AIM2: variants seen among roughly 807,000 people sequenced by gnomAD.
The protein encoded by AIM2 is absent in melanoma 2.
A neutral mutation model predicts 27.7 loss-of-function variants in AIM2; 30 were observed. That is an observed-to-expected ratio of 1.08 (90% CI 0.81 to 1.47). The LOEUF (loss-of-function observed/expected upper bound fraction) is 1.47. Among genes scored for constraint, AIM2 ranks in the 40% most tolerant of loss-of-function variants. AIM2 has a pLI of 0.00. For synonymous variants in AIM2, 141 were observed against 145.3 expected (o/e 0.97, Z 0.21); for missense variants, 358 against 411.3 (o/e 0.87, Z 1.12).
chr1:159,123,474 A>G (rs1440994030), intron 1 of AIM2: 5 of 152,232 alleles, frequency 3.3e-5, no homozygotes, highest in Middle Eastern at 6.8e-3. Context: ...TCTGTTTTCC[A>G]ACTTCGTCGT....
intron 2 of AIM2, among the ~76,000 whole-genome samples, chr1:159,070,482 T>C (rs998755818): frequency 6.6e-6 from 1 of 152,180 alleles, no homozygotes; most frequent in Non-Finnish European, 1.5e-5. Flanking sequence ...TCCTGATTTT[T>C]AAAAAGACCA....
intron 1 of AIM2, among the ~76,000 whole-genome samples, chr1:159,127,212 T>G (rs180787394): frequency 3.9e-5 from 6 of 152,368 alleles, no homozygotes; most frequent in African/African-American, 1.2e-4. Context: ...TCCTGAGTGT[T>G]TATTTTATTA....
intron 1 of AIM2, among the ~76,000 whole-genome samples, chr1:159,107,304 G>GTA (rs916044460): frequency 6.6e-6 from 1 of 150,674 alleles, no homozygotes; most frequent in Non-Finnish European, 1.5e-5. Flanking sequence ...GTACATGTGT[G>GTA]TATGTGTGTG....
downstream of AIM2, among the ~76,000 whole-genome samples, chr1:159,060,014 C>A (rs1289546699): frequency 6.6e-6 from 1 of 152,110 alleles, no homozygotes; most frequent in Non-Finnish European, 1.5e-5. Context: ...CTAATCTGTC[C>A]TCATAAACAT....
chr1:159,064,242 A>C (rs912195684), intron 4 of AIM2, among the ~76,000 whole-genome samples: 3 of 152,126 alleles, frequency 2.0e-5, no homozygotes, highest in African/African-American at 4.8e-5. Context: ...TATATCTAAT[A>C]GATGTTAGCA....
chr1:159,142,579 T>C (rs1453526072), upstream of AIM2, among the ~76,000 whole-genome samples: 1 of 152,164 alleles, frequency 6.6e-6, no homozygotes, highest in Admixed American at 6.5e-5. Flanking sequence ...CAGGGCTACC[T>C]ACTTTGAAGA....
chr1:159,126,355 T>C (rs931797520), intron 1 of AIM2, among the ~76,000 whole-genome samples: 4 of 152,052 alleles, frequency 2.6e-5, no homozygotes, highest in African/African-American at 7.2e-5. Flanking sequence ...TAATCTAAAA[T>C]TGATAGAATA....
chr1:159,121,941 A>C (rs570093983), intron 1 of AIM2, among the ~76,000 whole-genome samples: 7 of 152,296 alleles, frequency 4.6e-5, no homozygotes, highest in Non-Finnish European at 8.8e-5. Context: ...TCAAACAGAA[A>C]AATAAAATAA....
intron 1 of AIM2, among the ~76,000 whole-genome samples, chr1:159,136,534 A>G (rs942106848): frequency 6.6e-6 from 1 of 152,200 alleles, no homozygotes; most frequent in Admixed American, 6.5e-5. Flanking sequence ...GCTCATGGTT[A>G]TCAACTTCCC....
chr1:159,120,458 T>C (rs1647507056), intron 1 of AIM2, among the ~76,000 whole-genome samples: 1 of 152,228 alleles, frequency 6.6e-6, no homozygotes, highest in African/African-American at 2.4e-5. Flanking sequence ...TGACTGCCTG[T>C]GTCATTATCA....
chr1:159,127,093 G>C (rs60265878), intron 1 of AIM2, among the ~76,000 whole-genome samples: 12,877 of 152,182 alleles, frequency 0.085, 947 homozygotes, highest in African/African-American at 0.2. Flanking sequence ...CAAGCCAGGG[G>C]ATGATTGGTT....
intron 1 of AIM2, among the ~76,000 whole-genome samples, chr1:159,097,989 C>G (rs990814893): frequency 6.6e-6 from 1 of 152,126 alleles, no homozygotes; most frequent in East Asian, 1.9e-4. Flanking sequence ...TTTTAAAAAT[C>G]TCTATGGTAT....
intron 1 of AIM2, among the ~76,000 whole-genome samples, chr1:159,091,658 G>T (rs1657046300): frequency 6.6e-6 from 1 of 152,236 alleles, no homozygotes; most frequent in African/African-American, 2.4e-5. Flanking sequence ...CTGAAGTCCT[G>T]CCCTCTGGAT....
intron 1 of AIM2, among the ~76,000 whole-genome samples, chr1:159,115,509 C>G (rs932584811): frequency 9.9e-5 from 15 of 152,188 alleles, no homozygotes; most frequent in African/African-American, 2.6e-4. Flanking sequence ...GAACAGAACA[C>G]AGCCCTCAGG....
chr1:159,129,430 A>C (rs1013667664), intron 1 of AIM2, among the ~76,000 whole-genome samples: 16 of 152,188 alleles, frequency 1.1e-4, no homozygotes, highest in African/African-American at 3.6e-4. Flanking sequence ...CTTCAGTTAC[A>C]GTACTAAGGG....
upstream of AIM2, chr1:159,081,048 A>T (rs1201714562): frequency 1.2e-5 from 2 of 172,256 alleles, no homozygotes; most frequent in Admixed American, 1.2e-4. Context: ...AAATTCAATA[A>T]GAAATTATGA....
intron 1 of AIM2, among the ~76,000 whole-genome samples, chr1:159,102,118 G>C (rs59635124): frequency 6.6e-6 from 1 of 152,126 alleles, no homozygotes; most frequent in African/African-American, 2.4e-5. Flanking sequence ...TGCAGCCTTC[G>C]GAAATGGTGC....
chr1:159,062,823 T>C (rs1270871583), intron 5 of AIM2, 105 bp from the exon 6 acceptor site: 63 of 1,097,654 alleles, frequency 5.7e-5, no homozygotes, highest in Non-Finnish European at 1.4e-6. Context: ...CATCTTCTCA[T>C]AAAATTATTT....
chr1:159,081,289 G>C (rs1352736760), upstream of AIM2: 1 of 213,608 alleles, frequency 4.7e-6, no homozygotes, highest in African/African-American at 2.4e-5. Flanking sequence ...TTTTTGTAAA[G>C]GGGATTAGCA....
Sources: gnomAD v4.1 joint callset for allele counts (sites outside exome capture counted in the v4.1 genomes callset) on GRCh38, gnomAD v4.1.1 for gene constraint, MANE v1.5 for transcripts, NCBI Gene and HGNC (gene_info 2026-07-23, HGNC 2026-07-21) for gene names.